Variants in SUMF1 observed in about 807,000 individuals in gnomAD.
The protein encoded by SUMF1 is formylglycine-generating enzyme.
A neutral mutation model predicts 47.6 loss-of-function variants in SUMF1; 48 were observed. The observed-to-expected ratio is 1.01, with a 90% CI of 0.80 to 1.28. The LOEUF (loss-of-function observed/expected upper bound fraction) is 1.28. Among genes scored for constraint, SUMF1 ranks in the 50% most tolerant of loss-of-function variants. The probability of loss-of-function intolerance (pLI) is 0.00; values close to 1 mark genes in which losing one functional copy is unlikely to be tolerated. For synonymous variants in SUMF1, 230 were observed against 192.1 expected, an observed-to-expected ratio of 1.20 and a Z score of -1.63; for missense variants, 571 against 485.4, an observed-to-expected ratio of 1.18 and a Z score of -1.66.
intron 1 of SUMF1, among the ~76,000 whole-genome samples, chr3:4,461,833 C>G (rs1479971253): frequency 6.6e-6 from 1 of 152,168 alleles, no homozygotes; most frequent in African/African-American, 2.4e-5. Flanking sequence ...GTGTCTCACT[C>G]TGTAGGATCC....
intron 6 of SUMF1, among the ~76,000 whole-genome samples, chr3:4,416,494 A>C (rs970684365): frequency 1.3e-5 from 2 of 152,374 alleles, no homozygotes; most frequent in African/African-American, 4.8e-5. Flanking sequence ...CAATATGTAA[A>C]AAAATATGAT....
chr3:4,363,536 G>A, intron 8 of SUMF1, among the ~76,000 whole-genome samples: 1 of 151,680 alleles, frequency 6.6e-6, no homozygotes, highest in African/African-American at 2.4e-5. Context: ...TCTGTTATTG[G>A]TGTATAAGAT....
At chr3:4,146,957 T>C (rs1348524228) in intron 8 of SUMF1, among the ~76,000 whole-genome samples, 1 of 152,086 alleles carries the variant, frequency 6.6e-6, no homozygotes, top group Non-Finnish European at 1.5e-5. Context: ...TTGGCTTGGT[T>C]CCAAGTCTTT....
At chr3:4,193,267 C>T (rs1336320506) in intron 8 of SUMF1, among the ~76,000 whole-genome samples, 1 of 140,386 alleles carries the variant, frequency 7.1e-6, no homozygotes, top group Non-Finnish European at 1.6e-5. Flanking sequence ...GTTCCACATC[C>T]AAAACCCTCC....
chr3:4,312,703 T>TAAAA (rs375529794), intron 8 of SUMF1, among the ~76,000 whole-genome samples: 2,111 of 135,844 alleles, frequency 0.016, 60 homozygotes, highest in African/African-American at 0.055. Context: ...CCCTGTCTCT[T>TAAAA]AAAAAAAAAA....
At chr3:4,403,415 T>G (rs1701277117) in intron 7 of SUMF1, among the ~76,000 whole-genome samples, 2 of 152,128 alleles carry the variant, frequency 1.3e-5, no homozygotes, top group Non-Finnish European at 2.9e-5. Context: ...TGGGTGTCCA[T>G]TTATAAAAAA....
chr3:4,277,550 G>C (rs1178060853), intron 8 of SUMF1, among the ~76,000 whole-genome samples: 1 of 152,042 alleles, frequency 6.6e-6, no homozygotes, highest in Non-Finnish European at 1.5e-5. Context: ...GAAAGACAGG[G>C]ATGCTATGCA....
intron 1 of SUMF1, among the ~76,000 whole-genome samples, chr3:4,460,383 T>A (rs958409849): frequency 6.6e-6 from 1 of 152,118 alleles, no homozygotes; most frequent in Non-Finnish European, 1.5e-5. Context: ...CATACTACTT[T>A]CCTACTTAAA....
intron 8 of SUMF1, among the ~76,000 whole-genome samples, chr3:4,342,625 G>C (rs763524133): frequency 1.3e-5 from 2 of 152,142 alleles, no homozygotes; most frequent in Non-Finnish European, 2.9e-5. Context: ...TTTACTCCTG[G>C]ACTTCAGTTA....
At chr3:4,149,198 A>G (rs552798578) in intron 8 of SUMF1, among the ~76,000 whole-genome samples, 9 of 152,192 alleles carry the variant, frequency 5.9e-5, no homozygotes, top group South Asian at 2.1e-4. Flanking sequence ...CTTTCTTACT[A>G]TGGGACTCAT....
chr3:4,254,385 A>C (rs1696893780), intron 8 of SUMF1, among the ~76,000 whole-genome samples: 1 of 151,144 alleles, frequency 6.6e-6, no homozygotes, highest in African/African-American at 2.4e-5. Context: ...AGAAGAATGT[A>C]TAACTAGAAT....
Position 4,467,223 on chromosome 3 carries a change from A to G in SUMF1, c.23T>C (p.Leu8Pro), listed in dbSNP as rs1487722973. Reference sequence around the variant, plus strand: ...CAGCTCAGGGCAACGTCCACACACCAGCCCTAGTGCGGGCGCAGCCATGTT... The same window carrying G: ...CAGCTCAGGGCAACGTCCACACACCGGCCCTAGTGCGGGCGCAGCCATGTT... MAAPALG[L>P]VCGRCPELGL... is the part of the protein sequence containing the mutation. Residue 8 changes from leucine to proline, a missense_variant, in exon 1 of 9, where the codon CTG becomes CCG. Transcript: ENST00000272902. 2.5e-6 allele frequency: 4 copies of G among 1,611,336 alleles called. No individual in the cohort carries two copies. The highest frequency in any genetic ancestry group is 1.3e-5 in the African/African-American group (1 of 74,970).
chr3:4,103,074 C>T, intron 8 of SUMF1, among the ~76,000 whole-genome samples: 1 of 151,598 alleles, frequency 6.6e-6, no homozygotes, highest in East Asian at 1.9e-4. Context: ...AGGTGCCTGC[C>T]ACCACATCTG....
intron 3 of SUMF1, among the ~76,000 whole-genome samples, chr3:4,445,406 C>A (rs1038377989): frequency 7.2e-5 from 11 of 152,320 alleles, no homozygotes; most frequent in African/African-American, 2.2e-4. Flanking sequence ...GGTGCCATCA[C>A]AGCTCACTGA....
chr3:4,446,248 C>T (rs906417510), intron 3 of SUMF1, among the ~76,000 whole-genome samples: 1 of 152,164 alleles, frequency 6.6e-6, no homozygotes, highest in Admixed American at 6.6e-5. Context: ...TGGGAGGTAA[C>T]TGAATCATGG....
At chr3:4,285,078 G>A (rs998864975) in intron 8 of SUMF1, among the ~76,000 whole-genome samples, 12 of 152,102 alleles carry the variant, frequency 7.9e-5, no homozygotes, top group Non-Finnish European at 1.5e-4. Flanking sequence ...TTCCATGAGT[G>A]CTGTTCTCCT....
chr3:4,209,862 G>T (rs964428010), intron 8 of SUMF1, among the ~76,000 whole-genome samples: 1 of 152,120 alleles, frequency 6.6e-6, no homozygotes, highest in African/African-American at 2.4e-5. Flanking sequence ...ATTAAAGAAG[G>T]CCAAAATAAA....
At chr3:4,417,331 A>AAGCAAGCAATGTTCTC in intron 5 of SUMF1, 89 bp from the exon 6 acceptor site, 3 of 1,027,390 alleles carry the variant, frequency 2.9e-6, no homozygotes, top group Non-Finnish European at 4.6e-6. Flanking sequence ...AAAAGAGAAC[A>AAGCAAGCAATGTTCTC]TTGCTTGCTT....
At chr3:4,262,084 C>G (rs1333681935) in intron 8 of SUMF1, among the ~76,000 whole-genome samples, 1 of 152,130 alleles carries the variant, frequency 6.6e-6, no homozygotes, top group South Asian at 2.1e-4. Context: ...CTCAGAGCTG[C>G]TATAAGCCAA....
Sources: allele counts gnomAD v4.1 joint callset (sites outside exome capture counted in the v4.1 genomes callset), GRCh38; gene constraint gnomAD v4.1.1; transcripts MANE v1.5; gene names NCBI Gene and HGNC (gene_info 2026-07-23, HGNC 2026-07-21).